The following CNTNAP3B variants were observed in gnomAD, a reference collection of about 807,000 sequenced individuals.
CNTNAP3B encodes the protein contactin-associated protein-like 3B.
CNTNAP3B carries 25 observed loss-of-function variants against 108.9 expected under a neutral mutation model. The observed-to-expected ratio is 0.23, with a 90% CI of 0.17 to 0.32. The LOEUF (loss-of-function observed/expected upper bound fraction) is 0.32. Among genes scored for constraint, CNTNAP3B ranks in the 10% least tolerant of loss-of-function variants. CNTNAP3B has a pLI of 1.00. For synonymous variants in CNTNAP3B, 103 were observed against 473.4 expected, an observed-to-expected ratio of 0.22 and a Z score of 10.16; for missense variants, 252 against 1,210.4, an observed-to-expected ratio of 0.21 and a Z score of 11.75.
rs1381017458 is a variant in CNTNAP3B, at chr9:42,124,917, C to T, written c.85+4093G>A. 1.0e-4 allele frequency among the ~76,000 whole-genome samples: 14 copies of T among 138,290 alleles called. 3 individuals carry two copies. The highest frequency in any genetic ancestry group is 4.0e-4 in the African/African-American group (14 of 34,780). 90.7% of individuals were successfully genotyped at this position (138,290 alleles called of 152,430 possible). On this transcript the variant is annotated intron_variant, in intron 1 of 23. Transcript: ENST00000377561. Reference sequence around the variant, plus strand: ...TAATCTACATCTCTTAGGTAAAATGCATCAATTTAACTACACTTACTTATT... The same window carrying T: ...TAATCTACATCTCTTAGGTAAAATGTATCAATTTAACTACACTTACTTATT...
chr9:42,120,911 T>A (rs1828447627), intron 1 of CNTNAP3B, among the ~76,000 whole-genome samples: 1 of 137,186 alleles, frequency 7.3e-6, no homozygotes, highest in South Asian at 2.4e-4. Context: ...ACATGGCACA[T>A]GTATACATAT....
intron 15 of CNTNAP3B, among the ~76,000 whole-genome samples, chr9:41,924,644 T>TGCGTGCGCGC (rs1482014228): frequency 3.2e-4 from 31 of 95,428 alleles, no homozygotes; most frequent in South Asian, 7.3e-4. Flanking sequence ...CTTTCCTTCC[T>TGCGTGCGCGC]GCACACACAC....
At chr9:41,932,877 C>T (rs1473875807) in intron 14 of CNTNAP3B, among the ~76,000 whole-genome samples, 15 of 152,374 alleles carry the variant, frequency 9.8e-5, no homozygotes, top group South Asian at 2.1e-4. Context: ...TTATGATCCA[C>T]ATCTAACCCA....
At chr9:41,918,969 T>C (rs1187445651) in intron 18 of CNTNAP3B, among the ~76,000 whole-genome samples, 7 of 151,968 alleles carry the variant, frequency 4.6e-5, no homozygotes, top group Admixed American at 1.3e-4. Context: ...TTAAAGCCTG[T>C]TTTGCTGCTA....
intron 2 of CNTNAP3B, among the ~76,000 whole-genome samples, chr9:42,094,065 G>T (rs1827850018): frequency 7.3e-6 from 1 of 136,650 alleles, no homozygotes; most frequent in Non-Finnish European, 1.6e-5. Flanking sequence ...AAGGGGTAGA[G>T]CCTGGATGAT....
At chr9:41,982,175 CAA>C (rs1446012150) in intron 9 of CNTNAP3B, among the ~76,000 whole-genome samples, 7 of 69,546 alleles carry the variant, frequency 1.0e-4, no homozygotes, top group African/African-American at 4.8e-4. Flanking sequence ...AATTTCATGA[CAA>C]AGACACCGAA....
intron 3 of CNTNAP3B, among the ~76,000 whole-genome samples, chr9:42,070,783 T>C (rs1198738071): frequency 3.3e-5 from 5 of 152,142 alleles, no homozygotes; most frequent in Non-Finnish European, 5.9e-5. Context: ...TCCACTCACA[T>C]TTGCTCCAGT....
intron 2 of CNTNAP3B, among the ~76,000 whole-genome samples, chr9:42,103,556 T>G (rs1259227581): frequency 5.6e-5 from 5 of 88,814 alleles, no homozygotes; most frequent in African/African-American, 2.4e-4. Flanking sequence ...ACCCCGTCCC[T>G]GCTAAAAAAA....
At chr9:42,090,122 A>G (rs1483018273) in intron 2 of CNTNAP3B, among the ~76,000 whole-genome samples, 1 of 135,504 alleles carries the variant, frequency 7.4e-6, no homozygotes, top group African/African-American at 3.0e-5. Flanking sequence ...TGTACTTATT[A>G]AAATGGAAAG....
chr9:41,940,954 GA>G (rs200510615), intron 13 of CNTNAP3B, among the ~76,000 whole-genome samples: 1 of 151,996 alleles, frequency 6.6e-6, no homozygotes, highest in Non-Finnish European at 1.5e-5. Flanking sequence ...GGAACATCAG[GA>G]AAAAAATGAA....
At chr9:41,917,342 T>C (rs1176897712) in intron 18 of CNTNAP3B, among the ~76,000 whole-genome samples, 3 of 141,568 alleles carry the variant, frequency 2.1e-5, no homozygotes, top group Admixed American at 1.4e-4. Flanking sequence ...CTTAGAGTTA[T>C]CAACATTCTC....
At chr9:41,922,053 G>T (rs1226824428) in intron 17 of CNTNAP3B, among the ~76,000 whole-genome samples, 3 of 145,120 alleles carry the variant, frequency 2.1e-5, no homozygotes, top group African/African-American at 8.0e-5. Flanking sequence ...CAATGTGAAT[G>T]GTTCAAGTTT....
intron 1 of CNTNAP3B, among the ~76,000 whole-genome samples, chr9:42,105,659 C>T (rs866636553): frequency 2.5e-5 from 2 of 81,542 alleles, no homozygotes; most frequent in Admixed American, 1.4e-4. Flanking sequence ...TAGCTCTTTT[C>T]CTATGCGTAG....
chr9:41,964,246 T>C (rs1249493083), intron 11 of CNTNAP3B, among the ~76,000 whole-genome samples: 6 of 152,030 alleles, frequency 3.9e-5, no homozygotes, highest in African/African-American at 9.7e-5. Flanking sequence ...CATCATGCAT[T>C]TTTAATTTAA....
intron 12 of CNTNAP3B, among the ~76,000 whole-genome samples, chr9:41,957,919 C>T (rs1305110303): frequency 3.9e-5 from 6 of 152,120 alleles, no homozygotes; most frequent in African/African-American, 9.7e-5. Flanking sequence ...CGCCACTACG[C>T]CCGGCTAATT....
At chr9:42,120,965 G>A (rs1192180062) in intron 1 of CNTNAP3B, among the ~76,000 whole-genome samples, 1 of 138,710 alleles carries the variant, frequency 7.2e-6, no homozygotes, top group Non-Finnish European at 1.5e-5. Flanking sequence ...GTAACTTAAA[G>A]TATAATAATA....
intron 3 of CNTNAP3B, among the ~76,000 whole-genome samples, chr9:42,021,766 A>G (rs1271401970): frequency 5.4e-5 from 7 of 128,570 alleles, no homozygotes; most frequent in Non-Finnish European, 8.1e-5. Context: ...AGCAGCAACA[A>G]CATGAGGCAC....
chr9:41,959,048 T>C (rs1824968739), intron 12 of CNTNAP3B, among the ~76,000 whole-genome samples: 1 of 141,886 alleles, frequency 7.0e-6, no homozygotes. Context: ...CAAAGGTTAG[T>C]GCTTGTGGAA....
At chr9:42,062,662 T>C (rs1341793862) in intron 3 of CNTNAP3B, among the ~76,000 whole-genome samples, 9 of 117,188 alleles carry the variant, frequency 7.7e-5, no homozygotes, top group Non-Finnish European at 1.1e-4. Context: ...CATTCTTTTC[T>C]GGCTTTGTTT....
Sources: gnomAD v4.1 joint callset for allele counts (sites outside exome capture counted in the v4.1 genomes callset) on GRCh38, gnomAD v4.1.1 for gene constraint, MANE v1.5 for transcripts, NCBI Gene and HGNC (gene_info 2026-07-23, HGNC 2026-07-21) for gene names.